LRRC7: variants seen among roughly 807,000 people sequenced by gnomAD.
The protein encoded by LRRC7 is leucine-rich repeat-containing protein 7.
Under a neutral mutation model 175.7 loss-of-function variants are expected in LRRC7, and 23 were observed. That is an observed-to-expected ratio of 0.13 (90% CI 0.09 to 0.19). LRRC7 has a LOEUF of 0.19. Among genes scored for constraint, LRRC7 ranks in the 10% least tolerant of loss-of-function variants. LRRC7 has a pLI of 1.00. For missense variants in LRRC7, 1,354 were observed against 1,904.7 expected, an observed-to-expected ratio of 0.71 and a Z score of 5.38; for synonymous variants, 685 against 680.9, an observed-to-expected ratio of 1.01 and a Z score of -0.09.
At chr1:69,806,753 G>C (rs1677162537) in intron 4 of LRRC7, among the ~76,000 whole-genome samples, 2 of 152,000 alleles carry the variant, frequency 1.3e-5, no homozygotes, top group African/African-American at 4.8e-5. Flanking sequence ...TATGAGTTTG[G>C]TATTGAACTT....
At chr1:69,965,170 T>G (rs1342046303) in intron 8 of LRRC7, among the ~76,000 whole-genome samples, 2 of 152,248 alleles carry the variant, frequency 1.3e-5, no homozygotes, top group African/African-American at 4.8e-5. Flanking sequence ...CCTATTCTTG[T>G]TCACATGTAC....
At chr1:69,980,688 G>A (rs1653335638) in intron 9 of LRRC7, among the ~76,000 whole-genome samples, 1 of 151,946 alleles carries the variant, frequency 6.6e-6, no homozygotes, top group Admixed American at 6.6e-5. Flanking sequence ...TCCCTTTGGA[G>A]TATATTTGTC....
chr1:69,807,390 C>T (rs187612640), intron 4 of LRRC7, among the ~76,000 whole-genome samples: 13 of 152,058 alleles, frequency 8.5e-5, no homozygotes, highest in African/African-American at 2.9e-4. Flanking sequence ...TCTTCCTAGC[C>T]TTGATGGTCT....
rs75069242 is a variant in LRRC7 at position 69,650,752 on chromosome 1, G to T, written c.3-27629G>T. Reference sequence around the variant, plus strand: ...TATGTTGTGCAATTTCTTATAATCAGAAAATCTTAATCATTTCTTTTAAAA... The same window carrying T: ...TATGTTGTGCAATTTCTTATAATCATAAAATCTTAATCATTTCTTTTAAAA... On this transcript the variant is annotated intron_variant, in intron 1 of 26. Transcript: ENST00000651989. Among the ~76,000 whole-genome samples the T allele has an allele frequency of 1.9e-3, 283 of 151,908 alleles. 1 individual carries two copies. Among genetic ancestry groups the T allele is most frequent in the African/African-American group, 6.5e-3 (267 of 41,358 alleles).
Position 69,938,830 on chromosome 1 carries a change from T to C in LRRC7, c.711+7260T>C, listed in dbSNP as rs535200396. Among the ~76,000 whole-genome samples the C allele has an allele frequency of 3.3e-5, 5 of 151,682 alleles. No homozygotes were observed. In the South Asian group the frequency reaches 1.0e-3, roughly 32 times the overall value. ...AGGTTTGCCACACCTACTAATCAAATTGTATAATTTATTCTTCAAGTTGTA... is the reference window on the plus strand; with the variant it reads ...AGGTTTGCCACACCTACTAATCAAACTGTATAATTTATTCTTCAAGTTGTA... On this transcript the variant is annotated intron_variant, in intron 8 of 26. Transcript: ENST00000651989.
chr1:70,082,743 CAT>C (rs1663295490), intron 24 of LRRC7, among the ~76,000 whole-genome samples: 1 of 118,534 alleles, frequency 8.4e-6, no homozygotes, highest in South Asian at 3.0e-4. Flanking sequence ...GAAAGTGCTA[CAT>C]CAGGGGATTT....
chr1:69,784,359 A>T (rs1674152199), intron 3 of LRRC7, among the ~76,000 whole-genome samples: 1 of 152,216 alleles, frequency 6.6e-6, no homozygotes, highest in Non-Finnish European at 1.5e-5. Flanking sequence ...GGATTGAGAA[A>T]TATGGGTCTT....
At chr1:69,769,615 A>T in intron 3 of LRRC7, among the ~76,000 whole-genome samples, 1 of 152,206 alleles carries the variant, frequency 6.6e-6, no homozygotes, top group East Asian at 1.9e-4. Context: ...ATATCTCATT[A>T]TGTATATGCA....
At chr1:69,898,574 AT>A (rs1646043612) in intron 7 of LRRC7, among the ~76,000 whole-genome samples, 2 of 152,226 alleles carry the variant, frequency 1.3e-5, no homozygotes, top group Non-Finnish European at 2.9e-5. Flanking sequence ...CAAACACTGA[AT>A]GCCACAGTTT....
chr1:69,577,838 G>A (rs1341916858), intron 1 of LRRC7, among the ~76,000 whole-genome samples: 1 of 152,020 alleles, frequency 6.6e-6, no homozygotes, highest in East Asian at 1.9e-4. Flanking sequence ...TCTTCTTTTG[G>A]CTTAGGATTG....
intron 3 of LRRC7, among the ~76,000 whole-genome samples, chr1:69,767,569 T>G (rs528377049): frequency 6.6e-6 from 1 of 152,214 alleles, no homozygotes; most frequent in East Asian, 1.9e-4. Flanking sequence ...TGATCCTCCC[T>G]CATCAGCCTC....
At chr1:69,806,377 C>T (rs529079984) in intron 4 of LRRC7, among the ~76,000 whole-genome samples, 86 of 152,032 alleles carry the variant, frequency 5.7e-4, no homozygotes, top group Non-Finnish European at 1.1e-3. Context: ...CAAATTCATT[C>T]CCATGTGAAC....
At chr1:69,873,568 A>G (rs1310833197) in intron 7 of LRRC7, 1 of 515,720 alleles carries the variant, frequency 1.9e-6, no homozygotes, top group Non-Finnish European at 4.0e-6. Context: ...GGCACCAGAA[A>G]TGGCAGCATC....
intron 18 of LRRC7, among the ~76,000 whole-genome samples, chr1:70,031,567 A>G (rs940269660): frequency 1.3e-5 from 2 of 152,208 alleles, no homozygotes; most frequent in Non-Finnish European, 2.9e-5. Context: ...GAAAAAATCA[A>G]TGCACATAAG....
chr1:69,692,991 C>A (rs1315808325), intron 2 of LRRC7, among the ~76,000 whole-genome samples: 1 of 152,174 alleles, frequency 6.6e-6, no homozygotes, highest in African/African-American at 2.4e-5. Flanking sequence ...CTGGGACATC[C>A]ATCTTCTCCT....
chr1:69,961,897 G>A (rs1651127565), intron 8 of LRRC7, among the ~76,000 whole-genome samples: 1 of 152,012 alleles, frequency 6.6e-6, no homozygotes, highest in African/African-American at 2.4e-5. Context: ...AGAAAACCTA[G>A]GCTACAGTAC....
chr1:69,782,051 TA>T lies in LRRC7; in HGVS notation c.304-9988del, dbSNP rs1673826857. ...GGCACTTGCTAGCAATATGACCTTG[TA>T]AAAGTTACCTCCTGAGATTTCTCAT... On this transcript the variant is annotated intron_variant, in intron 3 of 26. Coordinates refer to ENST00000651989, the MANE Select transcript of LRRC7 (RefSeq NM_001370785.2). Among the ~76,000 whole-genome samples the T allele has an allele frequency of 2.0e-5, 3 of 152,290 alleles. No individual in the cohort carries two copies. The South Asian group carries it at 6.2e-4, about 32-fold the overall frequency.
chr1:70,038,058 G>T, intron 20 of LRRC7, 55 bp from the exon 21 acceptor site: 1 of 1,532,760 alleles, frequency 6.5e-7, no homozygotes. Context: ...TTCTCTTTCT[G>T]CCAAAGACCC....
intron 1 of LRRC7, chr1:69,608,448 T>C (rs1749504): frequency 0.39 from 58,698 of 151,890 alleles, 13,157 homozygotes; most frequent in African/African-American, 0.61. Context: ...TTGTCTGCTG[T>C]AGTTGCCCAC....
Sources: gnomAD v4.1 joint callset for allele counts (sites outside exome capture counted in the v4.1 genomes callset) on GRCh38, gnomAD v4.1.1 for gene constraint, MANE v1.5 for transcripts, NCBI Gene and HGNC (gene_info 2026-07-23, HGNC 2026-07-21) for gene names.